The following ZNF160 variants were observed in gnomAD, a reference collection of about 807,000 sequenced individuals.
ZNF160 encodes the protein KRAB zinc finger protein KR18.
In ZNF160, 9 loss-of-function variants were observed where a neutral mutation model predicts 13.1. That is an observed-to-expected ratio of 0.69 (90% CI 0.41 to 1.20). The LOEUF (loss-of-function observed/expected upper bound fraction) is 1.20. Ranked by LOEUF, ZNF160 falls within the 50% of genes most tolerant of loss-of-function variation. The pLI, the probability that ZNF160 is intolerant of heterozygous loss-of-function variation, is 0.01. For missense variants in ZNF160, 838 were observed against 988.0 expected (o/e 0.85, Z 2.04); for synonymous variants, 293 against 333.2 (o/e 0.88, Z 1.31).
At chr19:53,100,620 T>C (rs2085411004) in intron 1 of ZNF160, among the ~76,000 whole-genome samples, 1 of 151,252 alleles carries the variant, frequency 6.6e-6, no homozygotes, top group African/African-American at 2.4e-5. Flanking sequence ...CAAAAAAAAA[T>C]TAGTTAATAG....
At chr19:53,102,847 G>A (rs2085496625) in intron 1 of ZNF160, among the ~76,000 whole-genome samples, 1 of 152,028 alleles carries the variant, frequency 6.6e-6, no homozygotes, top group Non-Finnish European at 1.5e-5. Context: ...CCCCAACGAG[G>A]GCTCAAGGGA....
In ZNF160 at chr19:53,080,587, G is replaced by A. The variant is rs192776311; in HGVS notation, c.16-5404C>T. On this transcript the variant is annotated intron_variant, in intron 3 of 5. Coordinates refer to ENST00000683776, the MANE Select transcript of ZNF160 (RefSeq NM_001322131.2). ...AAGAAATCAGACAACACGAACAAATGGAAAAGCATTTCATGCTCATGGGTT... is the reference window on the plus strand; with the variant it reads ...AAGAAATCAGACAACACGAACAAATAGAAAAGCATTTCATGCTCATGGGTT... Among the ~76,000 whole-genome samples, 250 of 152,216 alleles carry A rather than the reference G, an allele frequency of 1.6e-3. 2 individuals are homozygous for A. Among genetic ancestry groups the A allele is most frequent in the Admixed American group, 0.016 (240 of 15,288 alleles).
chr19:53,098,804 G>A (rs1055337423), intron 1 of ZNF160, among the ~76,000 whole-genome samples: 11 of 151,116 alleles, frequency 7.3e-5, no homozygotes, highest in East Asian at 1.9e-4. Flanking sequence ...TGTAGAGCGC[G>A]GAAGACCCGG....
At position 53,066,958 on chromosome 19, in the gene ZNF160, T is replaced by G. The variant is rs2083989122; in HGVS notation, c.*1119A>C. On this transcript the variant is annotated 3_prime_UTR_variant, in exon 6 of 6. Coordinates refer to ENST00000683776, the MANE Select transcript of ZNF160 (RefSeq NM_001322131.2). ...CACCACGCCCGGCTAATTTTGTATT[T>G]TTAGTACAATTGGGGTTTCTCCATG... 1 of 152,104 alleles carries G rather than the reference T, an allele frequency of 6.6e-6. No individual in the cohort carries two copies. 9.4% of individuals were successfully genotyped at this position (152,104 alleles called of 1,614,324 possible).
At position 53,067,975 on chromosome 19, in the gene ZNF160, T is replaced by C. The variant is rs1434996204; in HGVS notation, c.*102A>G. On this transcript the variant is annotated 3_prime_UTR_variant, in exon 6 of 6. Coordinates refer to ENST00000683776, the MANE Select transcript of ZNF160 (RefSeq NM_001322131.2). Reference sequence around the variant, plus strand: ...CTCTCATATCTATTAATGCTTCAACTCATGAGGGATTGGCCACTGTCACTA... The same window carrying C: ...CTCTCATATCTATTAATGCTTCAACCCATGAGGGATTGGCCACTGTCACTA... 2.1e-6 allele frequency: 3 copies of C among 1,462,312 alleles called. No homozygotes were observed. In the African/African-American group the frequency reaches 4.2e-5, roughly 21 times the overall value. 90.6% of individuals were successfully genotyped at this position (1,462,312 alleles called of 1,614,324 possible).
In ZNF160 at chr19:53,086,296, C is replaced by T; in HGVS notation, c.-20G>A. On this transcript the variant is annotated 5_prime_UTR_variant, in exon 3 of 6. Transcript: ENST00000683776. ...GGCCATCCCTGACTCCTTTTCTTTCCTCTTCCTCTTCTTCCAGACTTCTTC... is the reference window on the plus strand; with the variant it reads ...GGCCATCCCTGACTCCTTTTCTTTCTTCTTCCTCTTCTTCCAGACTTCTTC... 3 of 1,583,912 alleles carry T rather than the reference C, an allele frequency of 1.9e-6. No homozygotes were observed. Among genetic ancestry groups the T allele is most frequent in the Non-Finnish European group, 2.6e-6 (3 of 1,166,948 alleles).
chr19:53,076,706 C>T (rs1220425515), intron 3 of ZNF160, among the ~76,000 whole-genome samples: 2 of 152,140 alleles, frequency 1.3e-5, no homozygotes, highest in Non-Finnish European at 2.9e-5. Context: ...CCAAGCACTA[C>T]CCATGGAGAC....
At chr19:53,070,729 T>C (rs907391725) in intron 5 of ZNF160, among the ~76,000 whole-genome samples, 1 of 152,136 alleles carries the variant, frequency 6.6e-6, no homozygotes, top group African/African-American at 2.4e-5. Context: ...TAGTATTTTT[T>C]AACAAAGAAA....
chr19:53,101,478 A>G (rs1390961938), intron 1 of ZNF160, among the ~76,000 whole-genome samples: 1 of 151,560 alleles, frequency 6.6e-6, no homozygotes, highest in Admixed American at 6.6e-5. Flanking sequence ...GGAATTCTAC[A>G]AAGGGAAAAA....
At chr19:53,086,971 A>T (rs1046945067) in intron 2 of ZNF160, among the ~76,000 whole-genome samples, 4 of 152,210 alleles carry the variant, frequency 2.6e-5, no homozygotes, top group African/African-American at 9.6e-5. Flanking sequence ...AAAGAATCAC[A>T]CAGAACAGGC....
chr19:53,085,240 G>A, intron 3 of ZNF160: 1 of 984,650 alleles, frequency 1.0e-6, no homozygotes, highest in Non-Finnish European at 1.2e-6. Context: ...ACATGTCAAT[G>A]TTCAAAACTT....
At chr19:53,102,717 G>A (rs1211448776) in intron 1 of ZNF160, among the ~76,000 whole-genome samples, 1 of 152,064 alleles carries the variant, frequency 6.6e-6, no homozygotes, top group Non-Finnish European at 1.5e-5. Context: ...ATTCCCTTGG[G>A]CCACACATTC....
At chr19:53,103,108 G>A (rs903314508) in intron 1 of ZNF160, among the ~76,000 whole-genome samples, 157 bp downstream of exon 1, 4 of 152,064 alleles carry the variant, frequency 2.6e-5, no homozygotes, top group African/African-American at 9.7e-5. Context: ...GTCAGTAAAG[G>A]ATTTTAAGCA....
At position 53,069,546 on chromosome 19, in the gene ZNF160, T is replaced by C. The variant is rs745890777; in HGVS notation, c.988A>G (p.Thr330Ala). ...TCTCCAGTATGAATTCGCCGATGAG[T>C]TGCAAGGTATGAATTGTGCCTGAAG... ...KVFRHNSYLA[T>A]HRRIHTGEKP... is the part of the protein sequence containing the mutation. The change falls in exon 6 of 6, where the codon ACT (threonine) becomes GCT (alanine). Residue 330 changes from threonine to alanine, a missense_variant. By Grantham distance (58) the Thr-to-Ala change is moderately conservative (BLOSUM62 0). Transcript: ENST00000683776. The surrounding 1 kb of genome is among the most constrained non-coding windows in gnomAD (Gnocchi z 4.4). 8 of 1,614,060 alleles carry C rather than the reference T, an allele frequency of 5.0e-6. No homozygotes were observed. The highest frequency in any genetic ancestry group is 4.2e-6 in the Non-Finnish European group (5 of 1,180,038).
chr19:53,087,473 G>T (rs1286864112), intron 2 of ZNF160, among the ~76,000 whole-genome samples: 1 of 152,190 alleles, frequency 6.6e-6, no homozygotes, highest in African/African-American at 2.4e-5. Flanking sequence ...GAAGTACAGG[G>T]TTGCCCTTAG....
At position 53,075,079 on chromosome 19, in the gene ZNF160, G is replaced by C. The variant is rs755852692; in HGVS notation, c.120C>G (p.Asn40Lys). 1.9e-6 allele frequency: 3 copies of C among 1,614,176 alleles called. No homozygotes were observed. The highest frequency in any genetic ancestry group is 1.3e-5 in the African/African-American group (1 of 75,044). ...CACCCAGAGAAACAAGGTTCCAGTA[G>C]TTCTCCAACATCACGTCCCTGTATA... The part of the protein sequence containing the change: ...RILYRDVMLE[N>K]YWNLVSLGLC... Residue 40 changes from asparagine to lysine, a missense_variant, in exon 4 of 6, where the codon AAC (asparagine) becomes AAG (lysine). Transcript: ENST00000683776.
At chr19:53,093,282 A>G (rs1046582072) in intron 1 of ZNF160, among the ~76,000 whole-genome samples, 1 of 152,208 alleles carries the variant, frequency 6.6e-6, no homozygotes, top group Non-Finnish European at 1.5e-5. Context: ...TCTACTAAAA[A>G]TACAAAAATT....
In ZNF160 at chr19:53,067,783, T is replaced by C. The variant is rs2084011866; in HGVS notation, c.*294A>G. ...CAAACAGGGAAACCAGAGACTGTTA[T>C]TCCTCCTAGGAATCCTCACTTACCA... On this transcript the variant is annotated 3_prime_UTR_variant, in exon 6 of 6. Coordinates refer to ENST00000683776, the MANE Select transcript of ZNF160 (RefSeq NM_001322131.2). 3.2e-6 allele frequency: 1 copy of C among 308,240 alleles called. No homozygotes were observed. The highest frequency in any genetic ancestry group is 6.0e-6 in the Non-Finnish European group (1 of 166,564). 19.1% of individuals were successfully genotyped at this position (308,240 alleles called of 1,614,324 possible). A position where few individuals can be genotyped will look rare whatever the true frequency, so the allele number is the denominator to read the frequency against.
At position 53,070,075 on chromosome 19, in the gene ZNF160, C is replaced by T. The variant is rs750087371; in HGVS notation, c.459G>A (p.Lys153=). The part of the protein sequence containing the change: ...CQWRDDTGNY[K]GVLMAQKEGK... ...CTTCTTTCTGGGCCATAAGCACTCC[C>T]TTGTAATTTCCTGTGTCATCTCTCC... The change falls in exon 6 of 6, where the codon AAG becomes AAA. Residue 153 remains lysine (K), a synonymous_variant. Coordinates refer to ENST00000683776, the MANE Select transcript of ZNF160 (RefSeq NM_001322131.2). 6 of 1,614,176 alleles carry T rather than the reference C, an allele frequency of 3.7e-6. No individual in the cohort carries two copies. Among genetic ancestry groups the T allele is most frequent in the South Asian group, 1.1e-5 (1 of 91,088 alleles).
Sources: allele counts gnomAD v4.1 joint callset (sites outside exome capture counted in the v4.1 genomes callset), GRCh38; gene constraint gnomAD v4.1.1; non-coding constraint Gnocchi (gnomAD v3.1); transcripts MANE v1.5; gene names NCBI Gene and HGNC (gene_info 2026-07-23, HGNC 2026-07-21).